The following AHRR variants were observed in gnomAD, a reference collection of about 807,000 sequenced individuals.
The protein encoded by AHRR is aryl hydrocarbon receptor repressor.
Under a neutral mutation model 44.0 loss-of-function variants are expected in AHRR, and 28 were observed. That is an observed-to-expected ratio of 0.64 (90% CI 0.47 to 0.87). AHRR has a LOEUF of 0.87. Among genes scored for constraint, AHRR ranks in the 40% least tolerant of loss-of-function variants. The pLI, the probability that AHRR is intolerant of heterozygous loss-of-function variation, is 0.00. For synonymous variants in AHRR, 434 were observed against 407.0 expected (o/e 1.07, Z -0.80); for missense variants, 990 against 953.9 (o/e 1.04, Z -0.50).
At chr5:376,577 G>A (rs1330359480) in intron 3 of AHRR, 33 bp from the exon 4 acceptor site, 1 of 1,552,778 alleles carries the variant, frequency 6.4e-7, no homozygotes, top group Non-Finnish European at 8.7e-7. Flanking sequence ...CCAAGGGTTG[G>A]GGGTGCCTAA....
chr5:431,126 GC>G (rs1177139067), intron 8 of AHRR, among the ~76,000 whole-genome samples: 2 of 152,210 alleles, frequency 1.3e-5, no homozygotes, highest in Admixed American at 6.5e-5. Flanking sequence ...AGGGGACGCA[GC>G]CCCCTGGTGT....
At chr5:353,628 G>A (rs531740128) in intron 2 of AHRR, 102 bp from the exon 3 acceptor site, 10 of 1,102,410 alleles carry the variant, frequency 9.1e-6, no homozygotes, top group Admixed American at 7.6e-5. Context: ...TGGCAGCAGC[G>A]TAGATGCTCC....
chr5:362,220 G>A (rs1010847792), intron 3 of AHRR, among the ~76,000 whole-genome samples: 4 of 152,224 alleles, frequency 2.6e-5, no homozygotes, highest in Non-Finnish European at 4.4e-5. Context: ...TGAGAAGGTG[G>A]CTGTCCACAA....
intron 8 of AHRR, 134 bp downstream of exon 8, chr5:428,140 T>A: frequency 9.5e-7 from 1 of 1,052,688 alleles, no homozygotes; most frequent in Non-Finnish European, 1.4e-6. Flanking sequence ...GTCGTAAAAG[T>A]CATTACACAA....
chr5:322,389 A>G (rs1741527070), intron 1 of AHRR, among the ~76,000 whole-genome samples: 1 of 151,650 alleles, frequency 6.6e-6, no homozygotes, highest in South Asian at 2.1e-4. Context: ...CCACCCTCTG[A>G]CCTCTTCTGC....
rs767332745 is a variant in AHRR, at chr5:353,775, C to G, written c.108C>G (p.His36Gln). 1 of 1,613,512 alleles carries G rather than the reference C, an allele frequency of 6.2e-7. No individual in the cohort carries two copies. Among genetic ancestry groups the G allele is most frequent in the East Asian group, 2.2e-5 (1 of 44,876 alleles). ...AGAAGTCCAACCCCTCCAAGCGACACCGGGACCGCCTCAACGCCGAGTTGG... is the reference window on the plus strand; with the variant it reads ...AGAAGTCCAACCCCTCCAAGCGACAGCGGGACCGCCTCAACGCCGAGTTGG... Reference protein sequence around the residue: ...GAEKSNPSKRHRDRLNAELDH... With the variant: ...GAEKSNPSKRQRDRLNAELDH... The change falls in exon 3 of 11, where the codon CAC becomes CAG. Residue 36 changes from histidine (H) to glutamine (Q), a missense_variant. Physicochemically the swap from His to Gln is conservative, Grantham distance 24. Coordinates refer to ENST00000684583, the MANE Select transcript of AHRR (RefSeq NM_001377236.1).
chr5:348,910 G>A (rs1560886831), intron 2 of AHRR, among the ~76,000 whole-genome samples: 1 of 152,212 alleles, frequency 6.6e-6, no homozygotes, highest in Non-Finnish European at 1.5e-5. Context: ...CCAAAGCAGT[G>A]GTGTCATTTC....
At chr5:330,929 A>G (rs1741889194) in intron 1 of AHRR, among the ~76,000 whole-genome samples, 1 of 138,702 alleles carries the variant, frequency 7.2e-6, no homozygotes, top group African/African-American at 2.8e-5. Context: ...GCTGGAGTGC[A>G]ATGGTGTGAT....
At position 434,609 on chromosome 5, in the gene AHRR, C is replaced by A; in HGVS notation, c.1869C>A (p.Asp623Glu). Residue 623 changes from aspartate to glutamate, a missense_variant, in exon 11 of 11, where the codon GAC becomes GAA. Physicochemically the swap from Asp to Glu is conservative, Grantham distance 45. Coordinates refer to ENST00000684583, the MANE Select transcript of AHRR (RefSeq NM_001377236.1). Reference sequence around the variant, plus strand: ...ACTGTGCCTGCCTGGAGCCCACAGACGGCCTTCCCCAGTCGGAGCCTCCCC... The same window carrying A: ...ACTGTGCCTGCCTGGAGCCCACAGAAGGCCTTCCCCAGTCGGAGCCTCCCC... ...PAHCACLEPT[D>E]GLPQSEPPHQ... The A allele has an allele frequency of 6.4e-7, 1 of 1,564,298 alleles. No homozygotes were observed. The highest frequency in any genetic ancestry group is 8.7e-7 in the Non-Finnish European group (1 of 1,154,474).
intron 2 of AHRR, among the ~76,000 whole-genome samples, chr5:353,159 G>GCACC (rs936029412): frequency 2.6e-5 from 4 of 152,162 alleles, no homozygotes; most frequent in Non-Finnish European, 5.9e-5. Flanking sequence ...AGAGTGGCAG[G>GCACC]CACCTGGTCT....
Position 375,288 on chromosome 5 carries a change from T to G in AHRR, c.245-1322T>G, listed in dbSNP as rs941077710. Among the ~76,000 whole-genome samples, 11 of 152,318 alleles carry G rather than the reference T, an allele frequency of 7.2e-5. No individual in the cohort carries two copies. The East Asian group carries it at 1.9e-3, about 27-fold the overall frequency. ...CTGTGATGGGCTACAAATAGACACG[T>G]GCGCTTTTCGATGAGGCGGTGCCCC... On this transcript the variant is annotated intron_variant, in intron 3 of 10. Transcript: ENST00000684583.
At chr5:368,276 C>A (rs1477766638) in intron 3 of AHRR, among the ~76,000 whole-genome samples, 1 of 152,172 alleles carries the variant, frequency 6.6e-6, no homozygotes, top group Admixed American at 6.5e-5. Flanking sequence ...CCTGGGCGTG[C>A]ACCGCGCACT....
Position 435,182 on chromosome 5 carries a change from G to C in AHRR, c.*348G>C, listed in dbSNP as rs1234368823. The C allele has an allele frequency of 3.4e-5, 9 of 268,036 alleles. No homozygotes were observed. The highest frequency in any genetic ancestry group is 5.0e-5 in the Non-Finnish European group (7 of 140,646). 16.6% of individuals were successfully genotyped at this position (268,036 alleles called of 1,614,324 possible). Reference sequence around the variant, plus strand: ...CATGGCTGCCAAGTCCACAGTCGGGGATGAAGCAGTCGGGTGATGCTCCCA... The same window carrying C: ...CATGGCTGCCAAGTCCACAGTCGGGCATGAAGCAGTCGGGTGATGCTCCCA... On this transcript the variant is annotated 3_prime_UTR_variant, in exon 11 of 11. Transcript: ENST00000684583.
rs1560913347 is a variant in AHRR at position 411,067 on chromosome 5, T to G, written c.352-2277T>G. 6.6e-6 allele frequency among the ~76,000 whole-genome samples: 1 copy of G among 152,180 alleles called. No individual in the cohort carries two copies. The highest frequency in any genetic ancestry group is 1.5e-5 in the Non-Finnish European group (1 of 68,036). ...CAGATTATCCGTTTTATTAATCTTT[T>G]CAAAATTTTCAAAAATTCAAATTTT... is the stretch of plus-strand genomic sequence containing the variant. On this transcript the variant is annotated intron_variant, in intron 4 of 10. Coordinates refer to ENST00000684583, the MANE Select transcript of AHRR (RefSeq NM_001377236.1). The surrounding 1 kb of genome is among the most constrained non-coding windows in gnomAD (Gnocchi z 4.2).
At chr5:346,670 G>C (rs62331560) in intron 2 of AHRR, among the ~76,000 whole-genome samples, 10,573 of 152,200 alleles carry the variant, frequency 0.069, 515 homozygotes, top group African/African-American at 0.13. Flanking sequence ...GGCCCCCAGG[G>C]ACGGCGGCCC....
intron 4 of AHRR, among the ~76,000 whole-genome samples, chr5:378,749 C>T (rs1461981176): frequency 6.6e-6 from 1 of 152,128 alleles, no homozygotes; most frequent in Non-Finnish European, 1.5e-5. Flanking sequence ...CGAGTCAGAG[C>T]TTCTAGGTTT....
At chr5:331,076 C>A (rs1418593226) in intron 1 of AHRR, among the ~76,000 whole-genome samples, 1 of 151,720 alleles carries the variant, frequency 6.6e-6, no homozygotes, top group Non-Finnish European at 1.5e-5. Context: ...GGGCTTTCAC[C>A]ATGTTGGCCA....
At chr5:422,512 G>A in intron 5 of AHRR, 1 of 590,858 alleles carries the variant, frequency 1.7e-6, no homozygotes, top group Non-Finnish European at 3.0e-6. Context: ...CCACTTGGCG[G>A]GCAGACGGGT....
chr5:420,573 C>T (rs1299897455), intron 5 of AHRR, among the ~76,000 whole-genome samples: 1 of 152,204 alleles, frequency 6.6e-6, no homozygotes, highest in African/African-American at 2.4e-5. Context: ...ATGGAAGTTT[C>T]CAGAAGATAA....
Sources: allele counts gnomAD v4.1 joint callset (sites outside exome capture counted in the v4.1 genomes callset), GRCh38; gene constraint gnomAD v4.1.1; non-coding constraint Gnocchi (gnomAD v3.1); transcripts MANE v1.5; gene names NCBI Gene and HGNC (gene_info 2026-07-23, HGNC 2026-07-21).